ZFAT: variants seen among roughly 807,000 people sequenced by gnomAD.
ZFAT encodes zinc finger protein ZFAT.
Under a neutral mutation model 117.7 loss-of-function variants are expected in ZFAT, and 64 were observed. The ratio of observed to expected loss-of-function variants is 0.54; its 90% CI spans 0.44 to 0.67. ZFAT has a LOEUF of 0.67. ZFAT is among the 30% of genes least tolerant of loss of function. The pLI, the probability that ZFAT is intolerant of heterozygous loss-of-function variation, is 0.00. For missense variants in ZFAT, 1,433 were observed against 1,584.5 expected, an observed-to-expected ratio of 0.90 and a Z score of 1.62; for synonymous variants, 679 against 615.0, an observed-to-expected ratio of 1.10 and a Z score of -1.54.
intron 9 of ZFAT, among the ~76,000 whole-genome samples, chr8:134,587,585 T>C (rs1218371778): frequency 6.6e-6 from 1 of 152,188 alleles, no homozygotes; most frequent in East Asian, 1.9e-4. Context: ...CCTTGTCTCC[T>C]ACCCTAATCC....
At chr8:134,672,127 A>G (rs1282167762) in intron 1 of ZFAT, among the ~76,000 whole-genome samples, 1 of 152,278 alleles carries the variant, frequency 6.6e-6, no homozygotes, top group African/African-American at 2.4e-5. Flanking sequence ...ATGGAAGAAC[A>G]TTCCATGTTC....
At chr8:134,482,857 A>G (rs1045687099) in intron 15 of ZFAT, among the ~76,000 whole-genome samples, 2 of 152,218 alleles carry the variant, frequency 1.3e-5, no homozygotes, top group African/African-American at 4.8e-5. Flanking sequence ...CTGTCGTGTT[A>G]CTGAGCGTCC....
At chr8:134,830,205 T>G in the ZFAT span, among the ~76,000 whole-genome samples, 1 of 152,108 alleles carries the variant, frequency 6.6e-6, no homozygotes, top group Non-Finnish European at 1.5e-5. Context: ...ACATAAAAAT[T>G]TATTTATATA....
the ZFAT span, among the ~76,000 whole-genome samples, chr8:134,811,823 G>C: frequency 1.3e-5 from 2 of 152,268 alleles, no homozygotes; most frequent in South Asian, 4.1e-4. Context: ...TGAAAAAGTG[G>C]CTTTACTTTT....
chr8:134,601,334 G>C (rs1041109168), intron 6 of ZFAT, 143 bp downstream of exon 6: 18 of 1,261,968 alleles, frequency 1.4e-5, no homozygotes, highest in Non-Finnish European at 1.6e-5. Flanking sequence ...GCCACACAGG[G>C]TCACCGTTCC....
At chr8:134,510,746 T>C (rs6578009) in intron 14 of ZFAT, 105,566 of 152,908 alleles carry the variant, frequency 0.69, 37,728 homozygotes, top group African/African-American at 0.87. Flanking sequence ...TGGACTCCCT[T>C]AATGACCCTT....
intron 11 of ZFAT, among the ~76,000 whole-genome samples, chr8:134,542,991 C>A (rs997731483): frequency 2.0e-5 from 3 of 148,050 alleles, no homozygotes; most frequent in Non-Finnish European, 4.4e-5. Flanking sequence ...AGATGACCTG[C>A]CCACACCTCT....
At chr8:134,618,650 A>C (rs1489451440) in intron 3 of ZFAT, among the ~76,000 whole-genome samples, 2 of 152,186 alleles carry the variant, frequency 1.3e-5, no homozygotes, top group African/African-American at 4.8e-5. Flanking sequence ...CTACTAAATA[A>C]AATATTCTCT....
chr8:134,620,657 C>T (rs189714642), intron 3 of ZFAT, among the ~76,000 whole-genome samples: 6 of 152,318 alleles, frequency 3.9e-5, no homozygotes, highest in Non-Finnish European at 7.3e-5. Flanking sequence ...GTCACTCTTC[C>T]GAGATGGTAG....
At chr8:134,508,071 C>T (rs1337844843) in intron 15 of ZFAT, among the ~76,000 whole-genome samples, 1 of 151,998 alleles carries the variant, frequency 6.6e-6, no homozygotes, top group African/African-American at 2.4e-5. Flanking sequence ...AAGCATCCCC[C>T]TGCCTACTCT....
At chr8:134,766,665 T>C in the ZFAT span, 3 of 152,210 alleles carry the variant, frequency 2.0e-5, no homozygotes, top group Non-Finnish European at 4.4e-5. Flanking sequence ...ACAACTACTT[T>C]TATAGAACTT....
rs373467136 is a variant in ZFAT at position 134,525,324 on chromosome 8, T to C, written c.3116-4323A>G. Among the ~76,000 whole-genome samples, 38 of 152,250 alleles carry C rather than the reference T, an allele frequency of 2.5e-4. No individual in the cohort carries two copies. The East Asian group carries it at 7.3e-3, about 29-fold the overall frequency. ...GTCCCAAAGTATCCCACCTCCCCAA[T>C]ATACATGTGAGCTGAACAAACCACT... On this transcript the variant is annotated intron_variant, in intron 12 of 15. Coordinates refer to ENST00000377838, the MANE Select transcript of ZFAT (RefSeq NM_020863.4).
chr8:134,803,015 A>G, the ZFAT span, among the ~76,000 whole-genome samples: 1 of 152,248 alleles, frequency 6.6e-6, no homozygotes, highest in South Asian at 2.1e-4. Flanking sequence ...TCCAGAATTA[A>G]AACTGACATC....
At chr8:134,593,701 T>C (rs527915256) in intron 7 of ZFAT, among the ~76,000 whole-genome samples, 7 of 152,366 alleles carry the variant, frequency 4.6e-5, no homozygotes, top group Admixed American at 1.3e-4. Context: ...ATCTGGTCTA[T>C]GCCTTAGCGG....
chr8:134,611,654 AG>A (rs1379048514), intron 3 of ZFAT, among the ~76,000 whole-genome samples: 3 of 152,232 alleles, frequency 2.0e-5, no homozygotes, highest in African/African-American at 7.2e-5. Context: ...TGGCTCACAG[AG>A]AGACTGGAAA....
the ZFAT span, among the ~76,000 whole-genome samples, chr8:134,821,298 T>TTA: frequency 4.1e-4 from 62 of 152,272 alleles, 1 homozygote; most frequent in East Asian, 0.012. Flanking sequence ...TTTTAGTTGA[T>TTA]TATAAGCTGA....
intron 1 of ZFAT, among the ~76,000 whole-genome samples, chr8:134,673,879 G>C (rs1353126530): frequency 6.6e-6 from 1 of 152,206 alleles, no homozygotes; most frequent in Admixed American, 6.5e-5. Flanking sequence ...TTGAGAGGCC[G>C]AGGTGGGCAG....
At chr8:134,776,352 G>T in the ZFAT span, among the ~76,000 whole-genome samples, 1 of 152,118 alleles carries the variant, frequency 6.6e-6, no homozygotes, top group Non-Finnish European at 1.5e-5. Flanking sequence ...CACCCAGGCT[G>T]CAGTGCTGCA....
chr8:134,806,032 A>G, the ZFAT span, among the ~76,000 whole-genome samples: 3 of 152,122 alleles, frequency 2.0e-5, no homozygotes, highest in Non-Finnish European at 4.4e-5. Context: ...TCTTTTGGGG[A>G]AAAAAACTAT....
Sources: gnomAD v4.1 joint callset for allele counts (sites outside exome capture counted in the v4.1 genomes callset) on GRCh38, gnomAD v4.1.1 for gene constraint, MANE v1.5 for transcripts, NCBI Gene and HGNC (gene_info 2026-07-23, HGNC 2026-07-21) for gene names.